The following PGGT1B variants were observed in gnomAD, a reference collection of about 807,000 sequenced individuals.
PGGT1B encodes the protein geranylgeranyl transferase type-1 subunit beta.
Under a neutral mutation model 46.1 loss-of-function variants are expected in PGGT1B, and 30 were observed. That is an observed-to-expected ratio of 0.65 (90% confidence interval 0.49 to 0.88). The LOEUF (loss-of-function observed/expected upper bound fraction) is 0.88, where lower values mean the gene tolerates loss of function less well. Among genes scored for constraint, PGGT1B ranks in the 40% least tolerant of loss-of-function variants. PGGT1B has a pLI of 0.00. For synonymous variants in PGGT1B, 170 were observed against 160.0 expected (o/e 1.06, Z -0.47); for missense variants, 376 against 455.9 (o/e 0.82, Z 1.60).
chr5:115,237,873 T>C lies in PGGT1B; in HGVS notation c.464A>G (p.Gln155Arg), dbSNP rs779208123. ...TCACTCATACCTCCCATCTTCCAGC[T>C]GAAGGGCTCTCAAGCCCGCTAAGCA... ...EACLAGLRALQLEDGSFCAVP... is the reference protein window; with the variant it reads ...EACLAGLRALRLEDGSFCAVP... The change falls in exon 4 of 9, where the codon CAG becomes CGG. Residue 155 changes from glutamine to arginine, a missense_variant. Gln to Arg is a conservative substitution (Grantham distance 43). This residue lies in a region of PGGT1B where 222 missense variants were observed against 313.6 expected (regional missense o/e 0.71). Coordinates refer to ENST00000419445, the MANE Select transcript of PGGT1B (RefSeq NM_005023.4). The C allele has an allele frequency of 1.2e-6, 2 of 1,604,794 alleles. No homozygotes were observed. The highest frequency in any genetic ancestry group is 4.5e-5 in the East Asian group (2 of 44,836).
At chr5:115,213,243 A>C (rs1389477329) in intron 8 of PGGT1B, among the ~76,000 whole-genome samples, 1 of 152,210 alleles carries the variant, frequency 6.6e-6, no homozygotes, top group African/African-American at 2.4e-5. Context: ...GAGTGCTCAT[A>C]CCATGACAAT....
intron 3 of PGGT1B, among the ~76,000 whole-genome samples, chr5:115,240,553 A>G (rs1031500089): frequency 6.6e-6 from 1 of 152,212 alleles, no homozygotes; most frequent in Non-Finnish European, 1.5e-5. Flanking sequence ...GTGGGCACCC[A>G]TAATTGGAGT....
At position 115,253,225 on chromosome 5, in the gene PGGT1B, C is replaced by G; in HGVS notation, c.171G>C (p.Gly57=). ...RLTIAFFALS[G]LDMLDSLDVV... is the part of the protein sequence containing the mutation. ...CATCTAAGGAATCCAACATATCCAG[C>G]CCGGAGAGTGCAAAAAATGCAATTG... is the stretch of plus-strand genomic sequence containing the variant. The change falls in exon 2 of 9, where the codon GGG becomes GGC. Residue 57 remains glycine (G), a synonymous_variant. Transcript: ENST00000419445. The G allele has an allele frequency of 6.3e-7, 1 of 1,584,916 alleles. No homozygotes were observed. Among genetic ancestry groups the G allele is most frequent in the Non-Finnish European group, 8.5e-7 (1 of 1,170,090 alleles).
chr5:115,260,992 T>C (rs1182964564), intron 1 of PGGT1B, among the ~76,000 whole-genome samples: 1 of 152,206 alleles, frequency 6.6e-6, no homozygotes, highest in African/African-American at 2.4e-5. Flanking sequence ...AGTTCAACTG[T>C]TTAACAATCA....
intron 1 of PGGT1B, among the ~76,000 whole-genome samples, chr5:115,261,873 T>C (rs1748568868): frequency 6.6e-6 from 1 of 152,234 alleles, no homozygotes. Flanking sequence ...AGCTGTACTC[T>C]GGCACCTACC....
intron 7 of PGGT1B, among the ~76,000 whole-genome samples, chr5:115,221,551 G>A (rs1756589639): frequency 6.6e-6 from 1 of 151,902 alleles, no homozygotes; most frequent in Non-Finnish European, 1.5e-5. Context: ...AAGAAAGTAA[G>A]TATTTAATAT....
intron 2 of PGGT1B, among the ~76,000 whole-genome samples, chr5:115,251,154 T>A (rs563775892): frequency 6.6e-6 from 1 of 152,298 alleles, no homozygotes; most frequent in African/African-American, 2.4e-5. Context: ...AACATACATA[T>A]GTTCAGCTTT....
At chr5:115,235,160 AG>A (rs1474163763) in intron 5 of PGGT1B, among the ~76,000 whole-genome samples, 1 of 152,086 alleles carries the variant, frequency 6.6e-6, no homozygotes, top group Non-Finnish European at 1.5e-5. Context: ...GCCTACTAAA[AG>A]GGGTTCCACA....
At chr5:115,258,530 C>G (rs936740507) in intron 1 of PGGT1B, among the ~76,000 whole-genome samples, 4 of 152,194 alleles carry the variant, frequency 2.6e-5, no homozygotes, top group African/African-American at 9.6e-5. Context: ...GATTACATTC[C>G]TACCATATCC....
At chr5:115,238,903 A>G (rs1279601937) in intron 3 of PGGT1B, among the ~76,000 whole-genome samples, 2 of 152,324 alleles carry the variant, frequency 1.3e-5, no homozygotes, top group Non-Finnish European at 2.9e-5. Flanking sequence ...GTCAAGATCC[A>G]AGGGTCTTGA....
chr5:115,238,025 AT>A lies in PGGT1B; in HGVS notation c.328-17del. ...TTCCAGGAGCCTAAATACAAAATTA[AT>A]ATAGTACTAATTAATGAAGTGAAAT... On this transcript the variant is annotated splice_polypyrimidine_tract_variant and intron_variant, in intron 3 of 8. Coordinates refer to ENST00000419445, the MANE Select transcript of PGGT1B (RefSeq NM_005023.4). The A allele has an allele frequency of 1.9e-6, 3 of 1,554,478 alleles. No homozygotes were observed. Among genetic ancestry groups the A allele is most frequent in the East Asian group, 2.2e-5 (1 of 44,456 alleles).
rs931318475 is a variant in PGGT1B, at chr5:115,204,750, C to T, written c.*7652G>A. 6.6e-6 allele frequency: 1 copy of T among 151,946 alleles called. No homozygotes were observed. The highest frequency in any genetic ancestry group is 2.4e-5 in the African/African-American group (1 of 41,352). 9.4% of individuals were successfully genotyped at this position (151,946 alleles called of 1,614,324 possible). A position where few individuals can be genotyped will look rare whatever the true frequency, so the allele number is the denominator to read the frequency against. ...TCCAGGAAATTCTTTCTAGGAACAC[C>T]ATAAAAATAAATAAGTGAATAAATG... On this transcript the variant is annotated 3_prime_UTR_variant, in exon 9 of 9. Transcript: ENST00000419445.
At chr5:115,215,540 C>T (rs538193016) in intron 8 of PGGT1B, among the ~76,000 whole-genome samples, 8 of 152,212 alleles carry the variant, frequency 5.3e-5, no homozygotes, top group African/African-American at 1.2e-4. Flanking sequence ...TCAAGTGATC[C>T]GCCCACCTCA....
intron 3 of PGGT1B, among the ~76,000 whole-genome samples, chr5:115,238,291 A>AT (rs35711954): frequency 0.26 from 12,293 of 46,788 alleles, 3,652 homozygotes; most frequent in Non-Finnish European, 0.35. Flanking sequence ...ATTTTTTTGG[A>AT]TTTTTTTTTT....
chr5:115,257,844 G>A (rs1748389452), intron 1 of PGGT1B, among the ~76,000 whole-genome samples: 1 of 152,130 alleles, frequency 6.6e-6, no homozygotes, highest in African/African-American at 2.4e-5. Flanking sequence ...AAATAAAATT[G>A]ATAACCATGT....
At chr5:115,248,193 C>G (rs1296827365) in intron 2 of PGGT1B, among the ~76,000 whole-genome samples, 1 of 152,082 alleles carries the variant, frequency 6.6e-6, no homozygotes, top group African/African-American at 2.4e-5. Flanking sequence ...ACTAGATTTT[C>G]CTGTAAAGCT....
chr5:115,262,868 C>G lies in PGGT1B; in HGVS notation c.-17G>C. On this transcript the variant is annotated 5_prime_UTR_variant, in exon 1 of 9. Coordinates refer to ENST00000419445, the MANE Select transcript of PGGT1B (RefSeq NM_005023.4). ...GGCCGCCATGCTGCTCCGGAAGCGA[C>G]GTCCGCCGCGACCCGGAATCAGTGC... The G allele has an allele frequency of 6.2e-7, 1 of 1,610,898 alleles. No homozygotes were observed. Among genetic ancestry groups the G allele is most frequent in the Non-Finnish European group, 8.5e-7 (1 of 1,179,184 alleles).
At chr5:115,253,837 A>G (rs2127030322) in intron 1 of PGGT1B, among the ~76,000 whole-genome samples, 1 of 152,162 alleles carries the variant, frequency 6.6e-6, no homozygotes, top group African/African-American at 2.4e-5. Context: ...ATGAAAAACT[A>G]TAGAGCAAAA....
At chr5:115,255,990 A>T (rs1748294082) in intron 1 of PGGT1B, among the ~76,000 whole-genome samples, 1 of 152,144 alleles carries the variant, frequency 6.6e-6, no homozygotes, top group Non-Finnish European at 1.5e-5. Context: ...CCTACTTCAC[A>T]ATCAAATCTA....
Sources: gnomAD v4.1 joint callset for allele counts (sites outside exome capture counted in the v4.1 genomes callset) on GRCh38, gnomAD v4.1.1 for gene constraint, gnomAD v4.1.1 regional missense constraint, MANE v1.5 for transcripts, NCBI Gene and HGNC (gene_info 2026-07-23, HGNC 2026-07-21) for gene names.